ZAN: variants seen among roughly 807,000 people sequenced by gnomAD.
The protein encoded by ZAN is zonadhesin (gene/pseudogene).
Under a neutral mutation model 286.2 loss-of-function variants are expected in ZAN, and 260 were observed. That is an observed-to-expected ratio of 0.91 (90% CI 0.82 to 1.01). The LOEUF (loss-of-function observed/expected upper bound fraction) is 1.01, where lower values mean the gene tolerates loss of function less well. Among genes scored for constraint, ZAN ranks in the 50% least tolerant of loss-of-function variants. The pLI is 0.00. For synonymous variants in ZAN, 1,368 were observed against 1,417.5 expected, an observed-to-expected ratio of 0.97 and a Z score of 0.79; for missense variants, 3,410 against 3,639.2, an observed-to-expected ratio of 0.94 and a Z score of 1.62.
chr7:100,784,998 A>G (rs1009372018), intron 36 of ZAN, among the ~76,000 whole-genome samples, 164 bp downstream of exon 36: 19 of 152,092 alleles, frequency 1.2e-4, no homozygotes, highest in Admixed American at 1.2e-3. Flanking sequence ...GTCTGGGCTG[A>G]TGGCACATGG....
chr7:100,762,131 A>G (rs1809625097), intron 19 of ZAN, 84 bp from the exon 20 acceptor site: 3 of 1,567,248 alleles, frequency 1.9e-6, no homozygotes, highest in Non-Finnish European at 2.6e-6. Context: ...TTAGGATCCC[A>G]GCTCCTTGCC....
At chr7:100,753,932 A>G (rs1284428961) in intron 14 of ZAN, among the ~76,000 whole-genome samples, 3 of 151,434 alleles carry the variant, frequency 2.0e-5, no homozygotes, top group African/African-American at 7.3e-5. Context: ...AAACACTTTC[A>G]TCACTCCAAA....
At position 100,753,079 on chromosome 7, in the gene ZAN, A is replaced by G. The variant is rs748074097; in HGVS notation, c.2974A>G (p.Ile992Val). The change falls in exon 14 of 48, where the codon ATT (isoleucine) becomes GTT (valine). Residue 992 changes from isoleucine (I) to valine (V), a missense_variant. Around this residue, in one of 7 missense-constraint regions of ZAN, gnomAD observed 1,042 missense variants for 1,058.0 expected, o/e 0.98. Transcript: ENST00000613979. ...KPTIPTEKPT[I>V]PTEKLTALRP... ...CACCATCCCCACAGAAAAACCCACC[A>G]TTCCCACAGAGAAGCTCACAGCCCT... The G allele has an allele frequency of 1.9e-5, 31 of 1,613,846 alleles. No individual in the cohort carries two copies. In the South Asian group the frequency reaches 2.5e-4, roughly 13 times the overall value.
At chr7:100,759,628 C>T (rs1584581459) in intron 17 of ZAN, 93 bp from the exon 18 acceptor site, 12 of 1,418,978 alleles carry the variant, frequency 8.5e-6, no homozygotes, top group South Asian at 1.5e-5. Flanking sequence ...CGGTGGCGCT[C>T]ATCTCTCCCT....
Position 100,767,047 on chromosome 7 carries a change from C to T in ZAN, c.4650C>T (p.Tyr1550=). 6.2e-7 allele frequency: 1 copy of T among 1,613,936 alleles called. No homozygotes were observed. Among genetic ancestry groups the T allele is most frequent in the East Asian group, 2.2e-5 (1 of 44,874 alleles). The change falls in exon 25 of 48, where the codon TAC becomes TAT. Residue 1550 remains tyrosine, a synonymous_variant. Transcript: ENST00000613979. The part of the protein sequence containing the change: ...ATCTASGDPH[Y]LTFDGALHHF... ...GCACAGCCTCGGGTGACCCCCACTACCTGACCTTCGATGGCGCCTTGCACC... is the reference window on the plus strand; with the variant it reads ...GCACAGCCTCGGGTGACCCCCACTATCTGACCTTCGATGGCGCCTTGCACC...
At chr7:100,770,011 A>G in intron 28 of ZAN, 37 bp downstream of exon 28, 2 of 1,536,286 alleles carry the variant, frequency 1.3e-6, no homozygotes, top group South Asian at 2.4e-5. Flanking sequence ...TTCCTCCCTG[A>G]AGGACAGGAG....
At chr7:100,783,783 T>TATACACAC (rs377402352) in intron 35 of ZAN, among the ~76,000 whole-genome samples, 4 of 20,488 alleles carry the variant, frequency 2.0e-4, no homozygotes, top group Admixed American at 8.6e-4. Context: ...TATATATATA[T>TATACACAC]ACACATATAT....
At position 100,797,453 on chromosome 7, in the gene ZAN, C is replaced by T. The variant is rs758737133; in HGVS notation, c.8354C>T (p.Thr2785Met). The change falls in exon 46 of 48, where the codon ACG becomes ATG. Residue 2785 changes from threonine to methionine, a missense_variant. Coordinates refer to ENST00000613979, the MANE Select transcript of ZAN (RefSeq NM_003386.3). ...LAVTRECIYR[T>M]RRKREKTQEG... ...GTGACCAGAGAGTGCATTTACAGAA[C>T]GAGGAGGAAGAGGTGAGTCCTGGGA... 3.5e-5 allele frequency: 56 copies of T among 1,613,670 alleles called. No homozygotes were observed. The highest frequency in any genetic ancestry group is 1.2e-4 in the Admixed American group (7 of 59,948).
intron 29 of ZAN, 75 bp from the exon 30 acceptor site, chr7:100,773,210 A>C: frequency 1.4e-5 from 21 of 1,542,994 alleles, no homozygotes; most frequent in East Asian, 2.3e-5. Context: ...GGCCACTACT[A>C]GGAGCTTTTG....
At position 100,752,537 on chromosome 7, in the gene ZAN, C is replaced by G; in HGVS notation, c.2432C>G (p.Ser811Cys). The stretch of plus-strand genomic sequence containing the variant: ...ACCCCCACTGAGGAGACCACCATCT[C>G]CACAGAAAAACCCAGCATCCCCATG... ...PTTPTEETTISTEKPSIPMEK... is the reference protein window; with the variant it reads ...PTTPTEETTICTEKPSIPMEK... The change falls in exon 14 of 48, where the codon TCC becomes TGC. Residue 811 changes from serine to cysteine, a missense_variant. Ser to Cys is a moderately radical substitution (Grantham distance 112). Coordinates refer to ENST00000613979, the MANE Select transcript of ZAN (RefSeq NM_003386.3). 1.2e-6 allele frequency: 2 copies of G among 1,612,476 alleles called. No homozygotes were observed. The highest frequency in any genetic ancestry group is 1.7e-6 in the Non-Finnish European group (2 of 1,179,772).
At chr7:100,760,579 T>G (rs771353090) in intron 19 of ZAN, 43 bp downstream of exon 19, 12 of 1,602,322 alleles carry the variant, frequency 7.5e-6, no homozygotes. Flanking sequence ...TTCTTCCTGC[T>G]GCCTCTTCCT....
chr7:100,734,069 G>C lies in ZAN; in HGVS notation c.-100G>C. The C allele has an allele frequency of 2.7e-6, 2 of 733,224 alleles. No individual in the cohort carries two copies. The highest frequency in any genetic ancestry group is 4.6e-6 in the Non-Finnish European group (2 of 435,206). 45.4% of individuals were successfully genotyped at this position (733,224 alleles called of 1,614,324 possible). The stretch of plus-strand genomic sequence containing the variant: ...CTGTTCATTCTTCATGGCATCCTTG[G>C]AAGGATGCCAAGCTAAGGAGGCCAG... On this transcript the variant is annotated 5_prime_UTR_variant, in exon 2 of 48. Transcript: ENST00000613979.
At chr7:100,795,535 CTATT>C (rs1812307387) in intron 45 of ZAN, among the ~76,000 whole-genome samples, 199 bp downstream of exon 45, 2 of 149,090 alleles carry the variant, frequency 1.3e-5, no homozygotes, top group Non-Finnish European at 3.0e-5. Context: ...TATTAATTAT[CTATT>C]TATATATTAC....
Position 100,786,260 on chromosome 7 carries a change from C to G in ZAN, c.6979+119C>G, listed in dbSNP as rs906502664. 3.5e-6 allele frequency: 5 copies of G among 1,443,558 alleles called. No homozygotes were observed. In the African/African-American group the frequency reaches 4.2e-5, roughly 12 times the overall value. The allele number at this position is 1,443,558 out of a possible 1,614,324, so 89.4% of individuals were successfully genotyped here. ...ACCCCAGCACAGTCAGGGGTTGGGG[C>G]GGGCGACTGGATCAGGAGGCCTGGC... On this transcript the variant is annotated intron_variant, in intron 37 of 47. Coordinates refer to ENST00000613979, the MANE Select transcript of ZAN (RefSeq NM_003386.3).
chr7:100,748,298 T>G, intron 10 of ZAN, 26 bp from the exon 11 acceptor site: 1 of 1,613,882 alleles, frequency 6.2e-7, no homozygotes, highest in South Asian at 1.1e-5. Flanking sequence ...CTCAACTTGC[T>G]CAAATATCCT....
At chr7:100,749,697 CACACAT>C (rs1808505389) in intron 11 of ZAN, among the ~76,000 whole-genome samples, 1 of 133,478 alleles carries the variant, frequency 7.5e-6, no homozygotes, top group African/African-American at 2.7e-5. Context: ...CATATATATA[CACACAT>C]ATATATATAC....
chr7:100,791,202 T>A, intron 40 of ZAN, 89 bp downstream of exon 40: 7 of 1,481,690 alleles, frequency 4.7e-6, no homozygotes, highest in Non-Finnish European at 6.3e-6. Context: ...CAGGAGAGGA[T>A]GAAACTCCAG....
chr7:100,795,362 A>C (rs1273293085), intron 45 of ZAN, 26 bp downstream of exon 45: 2 of 1,497,984 alleles, frequency 1.3e-6, no homozygotes, highest in East Asian at 4.9e-5. Context: ...AAGGCCCTGT[A>C]CCCTCACAAC....
chr7:100,784,718 G>T lies in ZAN; in HGVS notation c.6718G>T (p.Val2240Phe). 1 of 1,613,928 alleles carries T rather than the reference G, an allele frequency of 6.2e-7. No individual in the cohort carries two copies. Among genetic ancestry groups the T allele is most frequent in the Non-Finnish European group, 8.5e-7 (1 of 1,179,884 alleles). ...DLDGRCEGAK[V>F]PSACAEGCIC... ...GGATGGCCGGTGTGAGGGCGCCAAA[G>T]TCCCCTCTGCCTGCGCTGAGGGCTG... The change falls in exon 36 of 48, where the codon GTC becomes TTC. Residue 2240 changes from valine (V) to phenylalanine (F), a missense_variant. By Grantham distance (50) the Val-to-Phe change is conservative (BLOSUM62 -1). Around this residue, in one of 7 missense-constraint regions of ZAN, gnomAD observed 1,289 missense variants for 1,314.3 expected, o/e 0.98. Transcript: ENST00000613979.
Sources: gnomAD v4.1 joint callset for allele counts (sites outside exome capture counted in the v4.1 genomes callset) on GRCh38, gnomAD v4.1.1 for gene constraint, gnomAD v4.1.1 regional missense constraint, MANE v1.5 for transcripts, NCBI Gene and HGNC (gene_info 2026-07-23, HGNC 2026-07-21) for gene names.